TJP1: variants seen among roughly 807,000 people sequenced by gnomAD.
TJP1 encodes the protein tight junction protein 1.
In TJP1, 43 loss-of-function variants were observed where a neutral mutation model predicts 194.2. That is an observed-to-expected ratio of 0.22 (90% CI 0.17 to 0.29). The LOEUF (loss-of-function observed/expected upper bound fraction) is 0.29. Ranked by LOEUF, TJP1 falls within the 10% of genes least tolerant of loss-of-function variation. The probability of loss-of-function intolerance (pLI) is 1.00; values close to 1 mark genes in which losing one functional copy is unlikely to be tolerated. For synonymous variants in TJP1, 801 were observed against 779.0 expected (o/e 1.03, Z -0.47); for missense variants, 1,971 against 2,185.7 (o/e 0.90, Z 1.96).
chr15:29,884,865 G>A (rs1294720537), intron 2 of TJP1, among the ~76,000 whole-genome samples: 1 of 152,168 alleles, frequency 6.6e-6, no homozygotes, highest in Non-Finnish European at 1.5e-5. Flanking sequence ...TGGTTCAGAT[G>A]ACCCAGATGA....
At chr15:29,874,237 GAGA>G (rs972972086) in intron 2 of TJP1, among the ~76,000 whole-genome samples, 4 of 152,210 alleles carry the variant, frequency 2.6e-5, no homozygotes, top group Admixed American at 1.3e-4. Context: ...CTCTATCCCT[GAGA>G]AGGAGGGTGA....
Position 29,881,151 on chromosome 15 carries a change from T to C in TJP1, c.306+75081A>G, listed in dbSNP as rs541641558. On this transcript the variant is annotated intron_variant, in intron 2 of 28. Transcript: ENST00000356107. ...AACAGCTATCCTAACAGATGTGAGC[T>C]GATATTTCATTGTAGTTTAGATTTG... Among the ~76,000 whole-genome samples the C allele has an allele frequency of 2.6e-5, 4 of 152,304 alleles. No individual in the cohort carries two copies. The South Asian group carries it at 8.3e-4, about 32-fold the overall frequency.
At chr15:29,917,890 G>A (rs916585986) in intron 2 of TJP1, among the ~76,000 whole-genome samples, 3 of 152,258 alleles carry the variant, frequency 2.0e-5, no homozygotes, top group Non-Finnish European at 2.9e-5. Flanking sequence ...GCGACATTAA[G>A]TATACTCACA....
chr15:29,916,844 T>C (rs925461783), intron 2 of TJP1, among the ~76,000 whole-genome samples: 2 of 152,212 alleles, frequency 1.3e-5, no homozygotes, highest in Non-Finnish European at 2.9e-5. Flanking sequence ...ACAATTAGGA[T>C]AAACCACTAC....
intron 3 of TJP1, among the ~76,000 whole-genome samples, chr15:29,772,622 G>A (rs893831496): frequency 6.6e-6 from 1 of 152,124 alleles, no homozygotes; most frequent in Non-Finnish European, 1.5e-5. Context: ...GGAATAAAAA[G>A]GGTGGCAAGA....
intron 2 of TJP1, among the ~76,000 whole-genome samples, chr15:29,907,431 A>G (rs1204267639): frequency 6.6e-6 from 1 of 152,132 alleles, no homozygotes; most frequent in Non-Finnish European, 1.5e-5. Context: ...AAGAATTGAA[A>G]AGAAGTGGTA....
chr15:29,774,599 A>C (rs1178217382), intron 2 of TJP1, among the ~76,000 whole-genome samples: 5 of 152,022 alleles, frequency 3.3e-5, no homozygotes, highest in African/African-American at 1.2e-4. Flanking sequence ...CTAGGGCTAC[A>C]GGGATTGGAG....
Position 29,720,035 on chromosome 15 carries a change from A to G in TJP1, c.2764-19T>C. 6.4e-7 allele frequency: 1 copy of G among 1,574,624 alleles called. No individual in the cohort carries two copies. The highest frequency in any genetic ancestry group is 8.6e-7 in the Non-Finnish European group (1 of 1,164,948). On this transcript the variant is annotated intron_variant, in intron 19 of 27. Transcript: ENST00000614355. ...CTGCTTTCTGTGAAGTGTTTAAAAT[A>G]TTTTAAATATAGTGTTTCTGTTTAC...
At chr15:29,811,488 T>C (rs1414843013) in intron 1 of TJP1, among the ~76,000 whole-genome samples, 2 of 151,878 alleles carry the variant, frequency 1.3e-5, no homozygotes, top group Non-Finnish European at 2.9e-5. Context: ...ATAAAACAAG[T>C]AGAAAGACCT....
At chr15:29,858,438 T>C (rs901080549) in intron 2 of TJP1, among the ~76,000 whole-genome samples, 5 of 152,158 alleles carry the variant, frequency 3.3e-5, no homozygotes, top group African/African-American at 9.6e-5. Context: ...GCTGCAGGTA[T>C]AAATATTAAT....
intron 2 of TJP1, among the ~76,000 whole-genome samples, chr15:29,837,483 G>A (rs988120334): frequency 9.2e-5 from 14 of 152,078 alleles, no homozygotes; most frequent in African/African-American, 2.2e-4. Flanking sequence ...ACTTGAACCC[G>A]GGAGGCGGAG....
intron 2 of TJP1, among the ~76,000 whole-genome samples, chr15:29,901,431 G>A (rs998897132): frequency 2.0e-5 from 3 of 152,210 alleles, no homozygotes; most frequent in Non-Finnish European, 4.4e-5. Context: ...GAGGAGGCAA[G>A]TCCTGATCCC....
At chr15:29,809,107 T>C (rs1338906339) in intron 1 of TJP1, among the ~76,000 whole-genome samples, 1 of 152,194 alleles carries the variant, frequency 6.6e-6, no homozygotes, top group Non-Finnish European at 1.5e-5. Context: ...GTGCAAAATA[T>C]ACATGATATG....
intron 2 of TJP1, among the ~76,000 whole-genome samples, chr15:29,780,224 A>T (rs1273517334): frequency 6.6e-6 from 1 of 152,124 alleles, no homozygotes; most frequent in Non-Finnish European, 1.5e-5. Flanking sequence ...ATGATGAAAT[A>T]ATCACAAAAC....
Position 29,727,962 on chromosome 15 carries a change from T to C in TJP1, c.2075A>G (p.His692Arg). Residue 692 changes from histidine (H) to arginine (R), a missense_variant, in exon 16 of 28, where the codon CAT becomes CGT. His to Arg is a conservative substitution (Grantham distance 29, BLOSUM62 0). This residue lies in a region of TJP1 where 402 missense variants were observed against 484.2 expected (regional missense o/e 0.83). Transcript: ENST00000614355. ...DQRSSGIIRL[H>R]TIKQIIDQDK... Reference sequence around the variant, plus strand: ...TTGATCTATGATTTGCTTTATTGTATGCAGGCGAATAATGCCAGAGCTACG... The same window carrying C: ...TTGATCTATGATTTGCTTTATTGTACGCAGGCGAATAATGCCAGAGCTACG... 1 of 1,614,194 alleles carries C rather than the reference T, an allele frequency of 6.2e-7. No homozygotes were observed.
Position 29,719,862 on chromosome 15 carries a change from G to C in TJP1, c.2918C>G (p.Ser973Cys), listed in dbSNP as rs768426404. 7 of 1,614,050 alleles carry C rather than the reference G, an allele frequency of 4.3e-6. No individual in the cohort carries two copies. The African/African-American group carries it at 5.3e-5, about 12-fold the overall frequency. ...TGCCTCAGTACTTGGTGTTCTTAAA[G>C]AATCAGCTTGTGGTGAGTAAGAGGT... ...PSTSYSPQAD[S>C]LRTPSTEAAH... The change falls in exon 20 of 28, where the codon TCT (serine) becomes TGT (cysteine). Residue 973 changes from serine (S) to cysteine (C), a missense_variant. Transcript: ENST00000614355.
At chr15:29,928,783 A>C (rs2054607793) in intron 2 of TJP1, among the ~76,000 whole-genome samples, 1 of 152,168 alleles carries the variant, frequency 6.6e-6, no homozygotes, top group Non-Finnish European at 1.5e-5. Flanking sequence ...CTCTACTAAA[A>C]ATACAAAAAT....
At chr15:29,764,108 T>A (rs1411802647) in intron 5 of TJP1, among the ~76,000 whole-genome samples, 1 of 152,222 alleles carries the variant, frequency 6.6e-6, no homozygotes, top group African/African-American at 2.4e-5. Flanking sequence ...AGATAGTTCC[T>A]GCACTCTGGC....
At position 29,773,282 on chromosome 15, in the gene TJP1, T is replaced by C. The variant is rs767931053; in HGVS notation, c.160A>G (p.Ile54Val). ...NPHFQSGETSIVISDVLKGGP... is the reference protein window; with the variant it reads ...NPHFQSGETSVVISDVLKGGP... ...CCTTTCAGCACATCTGAAATCACTA[T>C]TGACGTTTCCCCACTCTGAAAATGA... Residue 54 changes from isoleucine (I) to valine (V), a missense_variant, in exon 3 of 28, where the codon ATA becomes GTA. Coordinates refer to ENST00000614355, the MANE Select transcript of TJP1 (RefSeq NM_001330239.4). 36 of 1,613,960 alleles carry C rather than the reference T, an allele frequency of 2.2e-5. 2 individuals are homozygous for C. The highest frequency in any genetic ancestry group is 5.5e-5 in the South Asian group (5 of 91,080).
Sources: gnomAD v4.1 joint callset for allele counts (sites outside exome capture counted in the v4.1 genomes callset) on GRCh38, gnomAD v4.1.1 for gene constraint, gnomAD v4.1.1 regional missense constraint, MANE v1.5 for transcripts, NCBI Gene and HGNC (gene_info 2026-07-23, HGNC 2026-07-21) for gene names.